The following GFOD2 variants were observed in gnomAD, a reference collection of about 807,000 sequenced individuals.
GFOD2 encodes the protein glucose-fructose oxidoreductase domain-containing protein 2.
Under a neutral mutation model 24.6 loss-of-function variants are expected in GFOD2, and 9 were observed. That is an observed-to-expected ratio of 0.37 (90% CI 0.22 to 0.64). The LOEUF (loss-of-function observed/expected upper bound fraction) is 0.64. GFOD2 is among the 30% of genes least tolerant of loss of function. GFOD2 has a pLI of 0.65. For synonymous variants in GFOD2, 211 were observed against 224.8 expected, an observed-to-expected ratio of 0.94 and a Z score of 0.55; for missense variants, 476 against 532.5, an observed-to-expected ratio of 0.89 and a Z score of 1.04.
chr16:67,712,478 G>A (rs1485835870), intron 1 of GFOD2, among the ~76,000 whole-genome samples: 2 of 136,498 alleles, frequency 1.5e-5, no homozygotes, highest in Admixed American at 1.4e-4. Context: ...TGGTGGAGAC[G>A]GGGTTTCGCT....
At chr16:67,714,219 A>ACTG (rs1180982455) in intron 1 of GFOD2, among the ~76,000 whole-genome samples, 1 of 148,562 alleles carries the variant, frequency 6.7e-6, no homozygotes, top group Non-Finnish European at 1.5e-5. Flanking sequence ...GTCACTCCCA[A>ACTG]CTGTAATCCC....
At chr16:67,681,756 G>C in intron 2 of GFOD2, 1 of 985,344 alleles carries the variant, frequency 1.0e-6, no homozygotes, top group Non-Finnish European at 1.2e-6. Context: ...ATCAGTGTGG[G>C]ACTGCAAGGA....
chr16:67,714,781 G>C (rs1314740544), intron 1 of GFOD2, among the ~76,000 whole-genome samples: 4 of 152,160 alleles, frequency 2.6e-5, no homozygotes, highest in Non-Finnish European at 5.9e-5. Flanking sequence ...ATAGAGGACT[G>C]ATAGAAATCT....
intron 1 of GFOD2, among the ~76,000 whole-genome samples, chr16:67,711,979 C>A (rs536525495): frequency 1.3e-5 from 2 of 152,260 alleles, no homozygotes; most frequent in Admixed American, 1.3e-4. Context: ...TTTGTCTCTC[C>A]CCACCATCCC....
At chr16:67,707,097 G>T (rs1050688377) in intron 1 of GFOD2, among the ~76,000 whole-genome samples, 5 of 148,816 alleles carry the variant, frequency 3.4e-5, no homozygotes, top group African/African-American at 1.2e-4. Flanking sequence ...AGTGGCTCAC[G>T]CCTGTAATCC....
intron 1 of GFOD2, among the ~76,000 whole-genome samples, chr16:67,705,178 T>C (rs1053129462): frequency 2.6e-5 from 4 of 152,208 alleles, no homozygotes; most frequent in African/African-American, 9.6e-5. Context: ...TCTCAGTATA[T>C]CTTCAAGAAT....
intron 1 of GFOD2, among the ~76,000 whole-genome samples, chr16:67,687,894 G>A (rs1344280416): frequency 6.6e-6 from 1 of 151,866 alleles, no homozygotes. Flanking sequence ...TAGAAGGATC[G>A]CTTGAGCCCA....
intron 1 of GFOD2, among the ~76,000 whole-genome samples, chr16:67,704,075 T>C (rs1337513114): frequency 1.3e-5 from 2 of 152,184 alleles, no homozygotes; most frequent in African/African-American, 4.8e-5. Flanking sequence ...TACCACATTT[T>C]GCTTATCCAT....
intron 1 of GFOD2, among the ~76,000 whole-genome samples, chr16:67,713,529 G>A (rs959704250): frequency 6.6e-6 from 1 of 152,178 alleles, no homozygotes; most frequent in African/African-American, 2.4e-5. Context: ...TGCCTGATGG[G>A]CTACAGACTG....
At chr16:67,700,702 A>C (rs1052600708) in intron 1 of GFOD2, among the ~76,000 whole-genome samples, 1 of 151,516 alleles carries the variant, frequency 6.6e-6, no homozygotes, top group African/African-American at 2.4e-5. Flanking sequence ...ACAGAGCAAG[A>C]CTCCATCTCA....
chr16:67,707,118 G>A (rs1191978400), intron 1 of GFOD2, among the ~76,000 whole-genome samples: 1 of 151,108 alleles, frequency 6.6e-6, no homozygotes, highest in Non-Finnish European at 1.5e-5. Flanking sequence ...CAGCACTGTG[G>A]GAAGCCAAGA....
intron 2 of GFOD2, chr16:67,681,149 A>G: frequency 1.0e-6 from 1 of 985,464 alleles, no homozygotes; most frequent in Non-Finnish European, 1.2e-6. Context: ...ATGGCTGACC[A>G]GGGAGGGATG....
At chr16:67,697,540 G>A (rs2053367525) in intron 1 of GFOD2, among the ~76,000 whole-genome samples, 1 of 152,122 alleles carries the variant, frequency 6.6e-6, no homozygotes, top group South Asian at 2.1e-4. Context: ...AAAGAGGTGA[G>A]GTAACTCTCC....
chr16:67,679,403 T>C (rs1365715137), intron 2 of GFOD2, among the ~76,000 whole-genome samples: 2 of 151,568 alleles, frequency 1.3e-5, no homozygotes, highest in East Asian at 2.0e-4. Flanking sequence ...CCAGCTAAGT[T>C]TTTTGTATTT....
chr16:67,685,248 G>C, intron 2 of GFOD2: 1 of 1,430,126 alleles, frequency 7.0e-7, no homozygotes, highest in Non-Finnish European at 9.1e-7. Flanking sequence ...CTTAATTTCT[G>C]TTCAGGGATT....
chr16:67,675,308 G>C lies in GFOD2; in HGVS notation c.1005C>G (p.Ala335=), dbSNP rs373673601. The stretch of plus-strand genomic sequence containing the variant: ...TGTACAGCCCATCCTCGAAGGAGGC[G>C]GCCATGGAGACAGGGGTGCGGTCCC... ...RTWDRTPVSM[A]ASFEDGLYMQ... is the part of the protein sequence containing the mutation. Residue 335 remains alanine, a synonymous_variant, in exon 3 of 3, where the codon GCC becomes GCG. Coordinates refer to ENST00000268797, the MANE Select transcript of GFOD2 (RefSeq NM_030819.4). 6.2e-7 allele frequency: 1 copy of C among 1,612,954 alleles called. No homozygotes were observed. Among genetic ancestry groups the C allele is most frequent in the Non-Finnish European group, 8.5e-7 (1 of 1,180,014 alleles).
At chr16:67,717,790 C>CGACA (rs1555547103) in intron 1 of GFOD2, among the ~76,000 whole-genome samples, 1 of 151,040 alleles carries the variant, frequency 6.6e-6, no homozygotes, top group Non-Finnish European at 1.5e-5. Context: ...GACTCCGTCT[C>CGACA]GATAGATAGA....
At position 67,675,013 on chromosome 16, in the gene GFOD2, G is replaced by C; in HGVS notation, c.*142C>G. The C allele has an allele frequency of 1.1e-6, 1 of 937,470 alleles. No individual in the cohort carries two copies. The highest frequency in any genetic ancestry group is 1.6e-5 in the South Asian group (1 of 61,746). The allele number at this position is 937,470 out of a possible 1,614,324, so 58.1% of individuals were successfully genotyped here. ...GAGCAGATGAGCCACTGGAGGGGGC[G>C]AAGTCCCAGAGCCACCTCTGGCTTC... On this transcript the variant is annotated 3_prime_UTR_variant, in exon 3 of 3. Transcript: ENST00000268797.
chr16:67,679,912 C>CAAA (rs796819227), intron 2 of GFOD2, among the ~76,000 whole-genome samples: 4,249 of 149,720 alleles, frequency 0.028, 197 homozygotes, highest in African/African-American at 0.097. Flanking sequence ...ACAACAACAA[C>CAAA]AAAAAAAAAC....
Sources: gnomAD v4.1 joint callset for allele counts (sites outside exome capture counted in the v4.1 genomes callset) on GRCh38, gnomAD v4.1.1 for gene constraint, MANE v1.5 for transcripts, NCBI Gene and HGNC (gene_info 2026-07-23, HGNC 2026-07-21) for gene names.